Variants in TAB2 observed in about 807,000 individuals in gnomAD.
TAB2 encodes the protein TGF-beta activated kinase 1 (MAP3K7) binding protein 2.
TAB2 carries 3 observed loss-of-function variants against 65.0 expected under a neutral mutation model. The ratio of observed to expected loss-of-function variants is 0.05; its 90% confidence interval spans 0.02 to 0.12. TAB2 has a LOEUF of 0.12. Ranked by LOEUF, TAB2 falls within the 10% of genes least tolerant of loss-of-function variation. TAB2 has a pLI of 1.00. For synonymous variants in TAB2, 298 were observed against 285.1 expected, an observed-to-expected ratio of 1.05 and a Z score of -0.46; for missense variants, 623 against 840.3, an observed-to-expected ratio of 0.74 and a Z score of 3.20.
intron 1 of TAB2, among the ~76,000 whole-genome samples, chr6:149,286,552 A>C (rs1299136980): frequency 6.6e-6 from 1 of 152,216 alleles, no homozygotes; most frequent in Non-Finnish European, 1.5e-5. Context: ...AACCCCTAAA[A>C]GCTTTCAGAT....
At chr6:149,306,567 AAAAAAAC>A (rs1290339085) in intron 1 of TAB2, among the ~76,000 whole-genome samples, 16 of 150,946 alleles carry the variant, frequency 1.1e-4, no homozygotes, top group Non-Finnish European at 2.2e-4. Context: ...CAAAAAAAAA[AAAAAAAC>A]AAAAAACAAA....
intron 1 of TAB2, among the ~76,000 whole-genome samples, chr6:149,355,908 G>T (rs1036762347): frequency 1.3e-5 from 2 of 151,778 alleles, no homozygotes; most frequent in Non-Finnish European, 2.9e-5. Context: ...CAGAAATAAA[G>T]AAACCTCCTT....
At chr6:149,293,872 T>A (rs1778826534) in intron 1 of TAB2, among the ~76,000 whole-genome samples, 1 of 152,176 alleles carries the variant, frequency 6.6e-6, no homozygotes, top group East Asian at 1.9e-4. Flanking sequence ...GAAACCTCAA[T>A]TGATCCAATA....
intron 1 of TAB2, among the ~76,000 whole-genome samples, chr6:149,355,388 A>G (rs1780622167): frequency 6.6e-6 from 1 of 152,074 alleles, no homozygotes; most frequent in African/African-American, 2.4e-5. Flanking sequence ...AACTTAGGGC[A>G]GGTGTGGTGG....
At chr6:149,335,281 G>A (rs1011706720) in intron 1 of TAB2, among the ~76,000 whole-genome samples, 1 of 151,174 alleles carries the variant, frequency 6.6e-6, no homozygotes, top group East Asian at 1.9e-4. Flanking sequence ...CAGGAAATTG[G>A]TAGAAAAGTT....
At chr6:149,290,302 G>A (rs890143718) in intron 1 of TAB2, among the ~76,000 whole-genome samples, 14 of 152,102 alleles carry the variant, frequency 9.2e-5, no homozygotes, top group Non-Finnish European at 1.3e-4. Flanking sequence ...CTCATCCCTC[G>A]CTCTTGCAGG....
chr6:149,367,797 A>T (rs1323375716), intron 1 of TAB2, among the ~76,000 whole-genome samples: 1 of 152,070 alleles, frequency 6.6e-6, no homozygotes, highest in Non-Finnish European at 1.5e-5. Context: ...GGGATGAGAG[A>T]CCAACTGGAT....
intron 1 of TAB2, among the ~76,000 whole-genome samples, chr6:149,349,048 A>G (rs1780399689): frequency 6.6e-6 from 1 of 152,144 alleles, no homozygotes; most frequent in African/African-American, 2.4e-5. Flanking sequence ...TACAATGAAT[A>G]TTGTACTTTT....
At chr6:149,341,191 C>A (rs1780112715) in intron 1 of TAB2, among the ~76,000 whole-genome samples, 2 of 152,032 alleles carry the variant, frequency 1.3e-5, no homozygotes, top group South Asian at 4.1e-4. Context: ...TACATGTCTT[C>A]TTGTTTACTA....
intron 1 of TAB2, among the ~76,000 whole-genome samples, chr6:149,258,278 C>T (rs919526379): frequency 1.4e-4 from 21 of 152,064 alleles, no homozygotes; most frequent in African/African-American, 1.2e-4. Flanking sequence ...CAGCATTTGC[C>T]GCTTTCTATG....
chr6:149,294,258 G>C (rs191005966), intron 1 of TAB2, among the ~76,000 whole-genome samples: 1 of 152,184 alleles, frequency 6.6e-6, no homozygotes, highest in South Asian at 2.1e-4. Flanking sequence ...TTTGAGGAAA[G>C]GATGTGTTCC....
At chr6:149,254,858 A>G (rs1299035886) in intron 1 of TAB2, among the ~76,000 whole-genome samples, 1 of 152,252 alleles carries the variant, frequency 6.6e-6, no homozygotes, top group African/African-American at 2.4e-5. Flanking sequence ...TGATATGGAA[A>G]ATGTTAAATG....
chr6:149,254,174 A>G (rs1231368203), intron 1 of TAB2, among the ~76,000 whole-genome samples: 2 of 149,454 alleles, frequency 1.3e-5, no homozygotes, highest in African/African-American at 4.9e-5. Context: ...GGAAAAAGAA[A>G]AACAAAGCAT....
chr6:149,323,203 T>C lies in TAB2; in HGVS notation c.-90+5188T>C, dbSNP rs192708037. 4.5e-4 allele frequency among the ~76,000 whole-genome samples: 68 copies of C among 152,242 alleles called. 3 individuals are homozygous for C. In the South Asian group the frequency reaches 0.013, roughly 30 times the overall value. ...TTAATTTTAAGCACTGAATAAGATA[T>C]CATTATGCAAAGTCTCTTAAATGCT... On this transcript the variant is annotated intron_variant, in intron 1 of 6. Coordinates refer to ENST00000637181, the MANE Select transcript of TAB2 (RefSeq NM_001292034.3).
chr6:149,260,919 A>G (rs190002156), intron 1 of TAB2, among the ~76,000 whole-genome samples: 2 of 152,316 alleles, frequency 1.3e-5, no homozygotes, highest in Admixed American at 1.3e-4. Flanking sequence ...ATGACAATGC[A>G]TTTTTATGTT....
At chr6:149,254,357 G>T (rs1777960686) in intron 1 of TAB2, among the ~76,000 whole-genome samples, 3 of 152,098 alleles carry the variant, frequency 2.0e-5, no homozygotes, top group Non-Finnish European at 4.4e-5. Context: ...CATGTGATTT[G>T]GTGCATGTCT....
chr6:149,235,391 T>A (rs1189702840), intron 1 of TAB2, among the ~76,000 whole-genome samples: 2 of 152,224 alleles, frequency 1.3e-5, no homozygotes, highest in Non-Finnish European at 2.9e-5. Flanking sequence ...GGGAGGAACG[T>A]GATAGATGTC....
chr6:149,377,163 A>G (rs9377210), intron 2 of TAB2, among the ~76,000 whole-genome samples: 55,281 of 147,642 alleles, frequency 0.37, 9,970 homozygotes, highest in East Asian at 0.6. Context: ...TCCGCCTCCC[A>G]GGTTCACGCC....
At chr6:149,235,573 A>G (rs1465114046) in intron 1 of TAB2, among the ~76,000 whole-genome samples, 1 of 152,236 alleles carries the variant, frequency 6.6e-6, no homozygotes, top group Non-Finnish European at 1.5e-5. Context: ...TTGGAAGAAC[A>G]TGAAGGAGTT....
Sources: allele counts gnomAD v4.1 joint callset (sites outside exome capture counted in the v4.1 genomes callset), GRCh38; gene constraint gnomAD v4.1.1; transcripts MANE v1.5; gene names NCBI Gene and HGNC (gene_info 2026-07-23, HGNC 2026-07-21).